The following MFHAS1 variants were observed in gnomAD, a reference collection of about 807,000 sequenced individuals.
MFHAS1 encodes the protein malignant fibrous histiocytoma-amplified sequence 1.
Under a neutral mutation model 70.4 loss-of-function variants are expected in MFHAS1, and 50 were observed. That is an observed-to-expected ratio of 0.71 (90% confidence interval 0.57 to 0.90). The LOEUF (loss-of-function observed/expected upper bound fraction) is 0.90, where lower values mean the gene tolerates loss of function less well. Ranked by LOEUF, MFHAS1 falls within the 40% of genes least tolerant of loss-of-function variation. The pLI is 0.00. For missense variants in MFHAS1, 1,795 were observed against 1,347.6 expected (o/e 1.33, Z -5.20); for synonymous variants, 952 against 620.0 (o/e 1.54, Z -7.96).
At position 8,854,674 on chromosome 8, in the gene MFHAS1, G is replaced by A. The variant is rs552712215; in HGVS notation, c.2998+35387C>T. On this transcript the variant is annotated intron_variant, in intron 1 of 2. Transcript: ENST00000276282. The stretch of plus-strand genomic sequence containing the variant: ...CACTCCAGCCTGGATGACAGAGGGG[G>A]ACTTTGTCTCAAAAAAAAAAAAAGG... 2.2e-4 allele frequency among the ~76,000 whole-genome samples: 27 copies of A among 123,924 alleles called. No homozygotes were observed. The East Asian group carries it at 5.2e-3, about 24-fold the overall frequency. 81.3% of individuals were successfully genotyped at this position (123,924 alleles called of 152,430 possible).
intron 1 of MFHAS1, among the ~76,000 whole-genome samples, chr8:8,861,144 T>A (rs1405445700): frequency 6.6e-6 from 1 of 152,216 alleles, no homozygotes; most frequent in Non-Finnish European, 1.5e-5. Context: ...GTGGTAGACA[T>A]ATATAAAACA....
intron 1 of MFHAS1, among the ~76,000 whole-genome samples, chr8:8,824,558 C>G (rs1015908041): frequency 5.6e-5 from 6 of 106,632 alleles, no homozygotes; most frequent in Admixed American, 1.1e-4. Context: ...CACACACACA[C>G]ACACACACAC....
intron 1 of MFHAS1, among the ~76,000 whole-genome samples, chr8:8,866,811 C>G (rs531875773): frequency 1.3e-5 from 2 of 152,110 alleles, no homozygotes; most frequent in African/African-American, 4.8e-5. Context: ...ATCCTGTGAA[C>G]CAGTCTAACA....
intron 1 of MFHAS1, among the ~76,000 whole-genome samples, chr8:8,846,947 G>T (rs1808059290): frequency 6.6e-6 from 1 of 152,100 alleles, no homozygotes; most frequent in Non-Finnish European, 1.5e-5. Context: ...CAGAATGAAG[G>T]AATAAACTTA....
intron 2 of MFHAS1, 85 bp from the exon 3 acceptor site, chr8:8,786,140 T>C (rs762603759): frequency 1.3e-5 from 16 of 1,251,252 alleles, no homozygotes; most frequent in South Asian, 8.5e-5. Flanking sequence ...GAAGTGATGA[T>C]AGAAATCTAT....
chr8:8,834,819 T>G (rs988788225), intron 1 of MFHAS1, among the ~76,000 whole-genome samples: 1 of 152,208 alleles, frequency 6.6e-6, no homozygotes, highest in Non-Finnish European at 1.5e-5. Flanking sequence ...TCCTCAACTG[T>G]GCACGAAACC....
chr8:8,822,131 C>T (rs1359687786), intron 1 of MFHAS1: 3 of 152,188 alleles, frequency 2.0e-5, no homozygotes, highest in African/African-American at 2.4e-5. Flanking sequence ...GCAGCCAATT[C>T]CTCTGTGCGG....
intron 1 of MFHAS1, among the ~76,000 whole-genome samples, chr8:8,848,442 T>C (rs1270168996): frequency 6.7e-6 from 1 of 150,346 alleles, no homozygotes; most frequent in Non-Finnish European, 1.5e-5. Flanking sequence ...TTCATTTTCC[T>C]CTCCACTGCA....
intron 1 of MFHAS1, among the ~76,000 whole-genome samples, chr8:8,833,587 C>T (rs896323929): frequency 6.6e-6 from 1 of 152,056 alleles, no homozygotes; most frequent in Admixed American, 6.6e-5. Context: ...CACGATTGCA[C>T]GACCACACTC....
intron 1 of MFHAS1, among the ~76,000 whole-genome samples, chr8:8,883,110 G>A (rs971001535): frequency 2.0e-5 from 3 of 152,062 alleles, no homozygotes. Flanking sequence ...CCATGACTGT[G>A]CCACTGCACT....
chr8:8,877,270 C>A (rs1343439748), intron 1 of MFHAS1, among the ~76,000 whole-genome samples: 5 of 115,536 alleles, frequency 4.3e-5, no homozygotes, highest in African/African-American at 1.5e-4. Context: ...ACTGCACACT[C>A]CAGCCTGGGT....
intron 1 of MFHAS1, among the ~76,000 whole-genome samples, chr8:8,813,725 T>C (rs1234638565): frequency 6.6e-6 from 1 of 152,134 alleles, no homozygotes; most frequent in Non-Finnish European, 1.5e-5. Context: ...GTTTATAAAG[T>C]AAAAAAGTTA....
chr8:8,861,293 CA>C (rs1808651133), intron 1 of MFHAS1, among the ~76,000 whole-genome samples: 1 of 152,160 alleles, frequency 6.6e-6, no homozygotes, highest in Non-Finnish European at 1.5e-5. Context: ...AAAAAGCAAA[CA>C]AAATTTCTAC....
chr8:8,841,232 T>C (rs1406035045), intron 1 of MFHAS1, among the ~76,000 whole-genome samples: 3 of 152,108 alleles, frequency 2.0e-5, no homozygotes, highest in African/African-American at 7.2e-5. Flanking sequence ...CCTAGCACTT[T>C]GGGAGGCCGA....
At chr8:8,811,964 G>A (rs940925150) in intron 1 of MFHAS1, among the ~76,000 whole-genome samples, 21 of 152,218 alleles carry the variant, frequency 1.4e-4, no homozygotes, top group Non-Finnish European at 2.4e-4. Flanking sequence ...TACCTTCTCC[G>A]CATGCCATCC....
intron 2 of MFHAS1, among the ~76,000 whole-genome samples, chr8:8,787,231 C>T (rs1016575119): frequency 3.9e-5 from 6 of 152,062 alleles, no homozygotes; most frequent in Admixed American, 2.0e-4. Context: ...CATGTGCCCG[C>T]CACCACACGC....
chr8:8,828,629 T>TA (rs1807252245), intron 1 of MFHAS1, among the ~76,000 whole-genome samples: 1 of 152,160 alleles, frequency 6.6e-6, no homozygotes, highest in African/African-American at 2.4e-5. Context: ...ACGCAAAAGC[T>TA]AAGGGCATTT....
chr8:8,805,511 TTGTC>T (rs1169645901), intron 1 of MFHAS1, among the ~76,000 whole-genome samples: 1 of 152,110 alleles, frequency 6.6e-6, no homozygotes, highest in African/African-American at 2.4e-5. Flanking sequence ...TTCCTCATCA[TTGTC>T]TGTTCATTGA....
intron 2 of MFHAS1, chr8:8,790,307 G>A: frequency 1.1e-6 from 1 of 903,620 alleles, no homozygotes; most frequent in African/African-American, 1.8e-5. Context: ...AATTCTCTCT[G>A]TTTCACGGAG....
Sources: allele counts gnomAD v4.1 joint callset (sites outside exome capture counted in the v4.1 genomes callset), GRCh38; gene constraint gnomAD v4.1.1; transcripts MANE v1.5; gene names NCBI Gene and HGNC (gene_info 2026-07-23, HGNC 2026-07-21).